Variants in UBE3D observed in about 807,000 individuals in gnomAD.
UBE3D encodes E3 ubiquitin-protein ligase E3D.
UBE3D carries 48 observed loss-of-function variants against 49.6 expected under a neutral mutation model. That is an observed-to-expected ratio of 0.97 (90% CI 0.77 to 1.23). The LOEUF is 1.23. UBE3D is among the 50% of genes most tolerant of loss of function. UBE3D has a pLI of 0.00. For synonymous variants in UBE3D, 189 were observed against 174.2 expected (o/e 1.08, Z -0.67); for missense variants, 452 against 468.4 (o/e 0.96, Z 0.32).
intron 9 of UBE3D, among the ~76,000 whole-genome samples, chr6:82,911,245 TTTTGTGACAGTCTTTTCA>T (rs1428758363): frequency 2.2e-5 from 3 of 138,902 alleles, no homozygotes; most frequent in Non-Finnish European, 4.6e-5. Context: ...CATGAATAGA[TTTTGTGACAGTCTTTTCA>T]TTTATTACCT....
intron 5 of UBE3D, among the ~76,000 whole-genome samples, chr6:83,029,540 CAT>C (rs1399213094): frequency 2.0e-5 from 3 of 152,238 alleles, no homozygotes; most frequent in East Asian, 1.9e-4. Context: ...GCTGCTTCCA[CAT>C]GTTTGTCTGC....
At chr6:82,883,452 G>A in the UBE3D span, among the ~76,000 whole-genome samples, 7 of 152,072 alleles carry the variant, frequency 4.6e-5, no homozygotes, top group South Asian at 2.1e-4. Context: ...ATTAGGCATC[G>A]TCCTAAGCAC....
In UBE3D at chr6:82,920,901, G is replaced by A. The variant is rs575918620; in HGVS notation, c.1150-27859C>T. Among the ~76,000 whole-genome samples the A allele has an allele frequency of 2.0e-5, 3 of 150,934 alleles. 1 individual carries two copies. The highest frequency in any genetic ancestry group is 7.3e-5 in the African/African-American group (3 of 41,156). ...ATTTTTTCCAGTATGGTAGCCTGAT[G>A]TCAGAGGAAGCCCTCTCAGTATAGA... is the stretch of plus-strand genomic sequence containing the variant. On this transcript the variant is annotated intron_variant, in intron 9 of 9. Transcript: ENST00000369747.
At chr6:82,984,839 G>A (rs561547688) in intron 8 of UBE3D, among the ~76,000 whole-genome samples, 3 of 151,940 alleles carry the variant, frequency 2.0e-5, no homozygotes, top group South Asian at 2.1e-4. Flanking sequence ...TAGATACAGG[G>A]TTTCACTCTG....
chr6:82,989,178 T>A (rs1778717282), intron 8 of UBE3D, among the ~76,000 whole-genome samples: 1 of 152,082 alleles, frequency 6.6e-6, no homozygotes, highest in African/African-American at 2.4e-5. Flanking sequence ...CTCTCCTGCT[T>A]AACTGTTAGC....
intron 1 of UBE3D, among the ~76,000 whole-genome samples, chr6:83,061,733 A>G (rs1784181031): frequency 6.6e-6 from 1 of 152,338 alleles, no homozygotes. Context: ...ACGTGGTGAA[A>G]GTATTCACAC....
the UBE3D span, among the ~76,000 whole-genome samples, chr6:82,882,744 T>C: frequency 6.6e-6 from 1 of 152,248 alleles, no homozygotes; most frequent in Non-Finnish European, 1.5e-5. Flanking sequence ...ATCTTTCTTC[T>C]GTTTTAGAAC....
intron 9 of UBE3D, among the ~76,000 whole-genome samples, chr6:82,898,681 G>T (rs1007912679): frequency 2.0e-5 from 3 of 151,524 alleles, no homozygotes; most frequent in Non-Finnish European, 2.9e-5. Flanking sequence ...CTGTTGGGGG[G>T]TAGGGGGCTA....
intron 9 of UBE3D, among the ~76,000 whole-genome samples, chr6:82,927,577 T>C (rs1457399029): frequency 6.6e-6 from 1 of 152,128 alleles, no homozygotes; most frequent in African/African-American, 2.4e-5. Flanking sequence ...AGAGATCTTA[T>C]ACATATTTTG....
chr6:83,023,376 T>C (rs1029251025), intron 6 of UBE3D, among the ~76,000 whole-genome samples: 5 of 152,200 alleles, frequency 3.3e-5, no homozygotes, highest in Non-Finnish European at 7.4e-5. Flanking sequence ...TCAAAACATT[T>C]TTTAAAATCC....
At chr6:82,900,327 A>G (rs953788155) in intron 9 of UBE3D, among the ~76,000 whole-genome samples, 1 of 152,190 alleles carries the variant, frequency 6.6e-6, no homozygotes, top group African/African-American at 2.4e-5. Context: ...TTTAAAGGAA[A>G]CTATGCCCAG....
chr6:82,945,353 G>T (rs1394736969), intron 9 of UBE3D, among the ~76,000 whole-genome samples: 1 of 152,216 alleles, frequency 6.6e-6, no homozygotes. Context: ...GGGAAGAGAA[G>T]AGTCTGCCAG....
At chr6:82,995,152 CA>C (rs1353920816) in intron 8 of UBE3D, among the ~76,000 whole-genome samples, 1 of 152,106 alleles carries the variant, frequency 6.6e-6, no homozygotes, top group African/African-American at 2.4e-5. Context: ...AGGCCAGAGG[CA>C]AACCAGGAGA....
intron 9 of UBE3D, among the ~76,000 whole-genome samples, chr6:82,940,794 CAG>C (rs1425297985): frequency 1.3e-5 from 2 of 152,156 alleles, no homozygotes; most frequent in Non-Finnish European, 2.9e-5. Flanking sequence ...GGAGATGAAA[CAG>C]AGGAAAGAGC....
At chr6:82,971,993 T>C (rs953749486) in intron 8 of UBE3D, among the ~76,000 whole-genome samples, 1 of 152,264 alleles carries the variant, frequency 6.6e-6, no homozygotes, top group Non-Finnish European at 1.5e-5. Flanking sequence ...AGTGATTGTG[T>C]TGAAATAGAT....
intron 8 of UBE3D, among the ~76,000 whole-genome samples, chr6:82,996,157 CTGGGAAAA>C (rs1779224823): frequency 1.3e-5 from 2 of 151,916 alleles, no homozygotes; most frequent in African/African-American, 4.8e-5. Context: ...AGGGCTGGGG[CTGGGAAAA>C]TGGGAAAATA....
chr6:82,977,113 CAAAAAAAAAAA>C (rs58424434), intron 8 of UBE3D, among the ~76,000 whole-genome samples: 61 of 42,584 alleles, frequency 1.4e-3, no homozygotes, highest in African/African-American at 5.5e-3. Context: ...GACTCCATCT[CAAAAAAAAAAA>C]AAAAAAAAAA....
At chr6:82,964,413 A>C (rs549333464) in intron 8 of UBE3D, among the ~76,000 whole-genome samples, 1 of 152,300 alleles carries the variant, frequency 6.6e-6, no homozygotes, top group African/African-American at 2.4e-5. Context: ...GGAATCCAAA[A>C]TATTATTGTG....
chr6:82,934,420 T>A (rs914588022), intron 9 of UBE3D, among the ~76,000 whole-genome samples: 4 of 152,218 alleles, frequency 2.6e-5, no homozygotes, highest in African/African-American at 9.6e-5. Context: ...GGACTTAGAC[T>A]GCATGATGTT....
Sources: gnomAD v4.1 joint callset for allele counts (sites outside exome capture counted in the v4.1 genomes callset) on GRCh38, gnomAD v4.1.1 for gene constraint, MANE v1.5 for transcripts, NCBI Gene and HGNC (gene_info 2026-07-23, HGNC 2026-07-21) for gene names.